Variants in CRIM1 observed in about 807,000 individuals in gnomAD.
CRIM1 encodes the protein cysteine rich transmembrane BMP regulator 1, also known as cysteine-rich motor neuron 1 protein.
A neutral mutation model predicts 116.4 loss-of-function variants in CRIM1; 32 were observed. The ratio of observed to expected loss-of-function variants is 0.27; its 90% CI spans 0.21 to 0.37. The LOEUF is 0.37. Ranked by LOEUF, CRIM1 falls within the 10% of genes least tolerant of loss-of-function variation. CRIM1 has a pLI of 1.00. For synonymous variants in CRIM1, 590 were observed against 509.2 expected (o/e 1.16, Z -2.13); for missense variants, 1,331 against 1,354.8 (o/e 0.98, Z 0.28).
chr2:36,430,039 A>G (rs1281407699), intron 2 of CRIM1, among the ~76,000 whole-genome samples: 1 of 152,212 alleles, frequency 6.6e-6, no homozygotes, highest in East Asian at 1.9e-4. Context: ...GTTTGGGACC[A>G]AGGGTGTATC....
intron 5 of CRIM1, among the ~76,000 whole-genome samples, chr2:36,472,498 A>G (rs961232496): frequency 6.6e-6 from 1 of 152,086 alleles, no homozygotes; most frequent in African/African-American, 2.4e-5. Flanking sequence ...TGCTTTTGCT[A>G]GTGAAACCTA....
intron 7 of CRIM1, among the ~76,000 whole-genome samples, chr2:36,496,306 C>T (rs1572868678): frequency 6.6e-6 from 1 of 152,102 alleles, no homozygotes; most frequent in African/African-American, 2.4e-5. Flanking sequence ...TGTGTTCACC[C>T]TAATCTATTG....
intron 1 of CRIM1, among the ~76,000 whole-genome samples, chr2:36,383,690 G>T (rs1407425092): frequency 3.9e-5 from 6 of 152,172 alleles, no homozygotes; most frequent in African/African-American, 1.4e-4. Context: ...GGGCGGGTGT[G>T]CTGGAAAGAG....
At chr2:36,465,335 G>A (rs929220837) in intron 5 of CRIM1, among the ~76,000 whole-genome samples, 2 of 152,088 alleles carry the variant, frequency 1.3e-5, no homozygotes, top group Non-Finnish European at 2.9e-5. Context: ...GAAGGAAGGG[G>A]AACCTGCAAC....
chr2:36,537,231 A>G, intron 13 of CRIM1, 121 bp from the exon 14 acceptor site: 1 of 916,476 alleles, frequency 1.1e-6, no homozygotes, highest in Non-Finnish European at 1.6e-6. Flanking sequence ...AGTTTCACCA[A>G]GTTCCAGAAG....
intron 7 of CRIM1, among the ~76,000 whole-genome samples, chr2:36,492,367 C>T (rs1337997268): frequency 6.6e-6 from 1 of 152,136 alleles, no homozygotes; most frequent in Non-Finnish European, 1.5e-5. Context: ...TTGAAAACTC[C>T]AACCGTAAGA....
Position 36,396,656 on chromosome 2 carries a change from G to A in CRIM1, c.374G>A (p.Cys125Tyr). Residue 125 changes from cysteine (C) to tyrosine (Y), a missense_variant, in exon 2 of 17, where the codon TGC (cysteine) becomes TAC (tyrosine). By Grantham distance (194) the Cys-to-Tyr change is radical (BLOSUM62 -2). This residue lies in a region of CRIM1 where 690 missense variants were observed against 676.0 expected (regional missense o/e 1.02). Coordinates refer to ENST00000280527, the MANE Select transcript of CRIM1 (RefSeq NM_016441.3). ...GACCAACTGCTTGGTTTTAAACCATGCAATGAAAACCTTATTGCTGGCTGC... is the reference window on the plus strand; with the variant it reads ...GACCAACTGCTTGGTTTTAAACCATACAATGAAAACCTTATTGCTGGCTGC... ...TDDQLLGFKPCNENLIAGCNI... is the reference protein window; with the variant it reads ...TDDQLLGFKPYNENLIAGCNI... 1 of 1,612,610 alleles carries A rather than the reference G, an allele frequency of 6.2e-7. No individual in the cohort carries two copies. The highest frequency in any genetic ancestry group is 8.5e-7 in the Non-Finnish European group (1 of 1,178,778).
chr2:36,393,018 C>T (rs1671734095), intron 1 of CRIM1, among the ~76,000 whole-genome samples: 1 of 152,158 alleles, frequency 6.6e-6, no homozygotes, highest in African/African-American at 2.4e-5. Context: ...AGCAAGGGGC[C>T]AGCGGCCTCA....
In CRIM1 at chr2:36,497,834, T is replaced by C. The variant is rs190629360; in HGVS notation, c.1373-1385T>C. On this transcript the variant is annotated intron_variant, in intron 7 of 16. Transcript: ENST00000280527. Reference sequence around the variant, plus strand: ...GTAGATGGATAAAAATTTAGAACTCTTGATCTCAGCAGTGGCAGCTAAAAC... The same window carrying C: ...GTAGATGGATAAAAATTTAGAACTCCTGATCTCAGCAGTGGCAGCTAAAAC... Among the ~76,000 whole-genome samples, 298 of 152,314 alleles carry C rather than the reference T, an allele frequency of 2.0e-3. 2 individuals are homozygous for C. Among genetic ancestry groups the C allele is most frequent in the Non-Finnish European group, 3.6e-3 (248 of 68,020 alleles).
At chr2:36,444,600 A>G (rs1407363077) in intron 4 of CRIM1, among the ~76,000 whole-genome samples, 1 of 152,238 alleles carries the variant, frequency 6.6e-6, no homozygotes, top group Non-Finnish European at 1.5e-5. Context: ...ATTTGCCTCT[A>G]ATGAAGACAT....
At chr2:36,406,196 G>A (rs961366082) in intron 2 of CRIM1, among the ~76,000 whole-genome samples, 3 of 152,106 alleles carry the variant, frequency 2.0e-5, no homozygotes, top group Non-Finnish European at 4.4e-5. Flanking sequence ...TTTACTATGA[G>A]AGTATTATAT....
At chr2:36,370,387 C>T (rs188134528) in intron 1 of CRIM1, among the ~76,000 whole-genome samples, 2 of 152,080 alleles carry the variant, frequency 1.3e-5, no homozygotes, top group African/African-American at 4.8e-5. Context: ...AAATTATTTT[C>T]AAACACTGCC....
At chr2:36,485,479 G>A (rs142628799) in intron 7 of CRIM1, among the ~76,000 whole-genome samples, 1 of 152,190 alleles carries the variant, frequency 6.6e-6, no homozygotes, top group Non-Finnish European at 1.5e-5. Context: ...TCTCCCTGAA[G>A]GCTGATGATA....
At chr2:36,523,958 G>T (rs1287549436) in intron 13 of CRIM1, among the ~76,000 whole-genome samples, 1 of 152,204 alleles carries the variant, frequency 6.6e-6, no homozygotes, top group African/African-American at 2.4e-5. Context: ...TTTTCTTACT[G>T]TAATGGTCAA....
chr2:36,406,115 A>C (rs145272129), intron 2 of CRIM1, among the ~76,000 whole-genome samples: 1 of 152,250 alleles, frequency 6.6e-6, no homozygotes, highest in African/African-American at 2.4e-5. Flanking sequence ...CTGTATTAGA[A>C]ATAATCATTA....
intron 9 of CRIM1, among the ~76,000 whole-genome samples, chr2:36,511,613 G>A (rs990391649): frequency 1.3e-5 from 2 of 152,196 alleles, no homozygotes; most frequent in African/African-American, 4.8e-5. Flanking sequence ...TCTCTTAGGA[G>A]ATTGTAGATT....
chr2:36,464,816 A>G (rs1351072268), intron 5 of CRIM1, among the ~76,000 whole-genome samples, 161 bp downstream of exon 5: 1 of 152,192 alleles, frequency 6.6e-6, no homozygotes, highest in Non-Finnish European at 1.5e-5. Context: ...ACAGTGCAGT[A>G]AAGAAAGTTA....
intron 1 of CRIM1, among the ~76,000 whole-genome samples, chr2:36,384,226 A>ACTTTC (rs1670999761): frequency 6.6e-6 from 1 of 152,242 alleles, no homozygotes; most frequent in Admixed American, 6.5e-5. Context: ...GACAGAGGGA[A>ACTTTC]CACAAGTGCC....
intron 7 of CRIM1, among the ~76,000 whole-genome samples, chr2:36,498,486 T>C (rs1680757964): frequency 6.6e-6 from 1 of 152,252 alleles, no homozygotes; most frequent in South Asian, 2.1e-4. Context: ...ATATGCTTTA[T>C]GTAAGTATAT....
Sources: gnomAD v4.1 joint callset for allele counts (sites outside exome capture counted in the v4.1 genomes callset) on GRCh38, gnomAD v4.1.1 for gene constraint, gnomAD v4.1.1 regional missense constraint, MANE v1.5 for transcripts, NCBI Gene and HGNC (gene_info 2026-07-23, HGNC 2026-07-21) for gene names.